The following C1orf141 variants were observed in gnomAD, a reference collection of about 807,000 sequenced individuals.
C1orf141 encodes the protein uncharacterized protein C1orf141.
Under a neutral mutation model 23.2 loss-of-function variants are expected in C1orf141, and 19 were observed. The observed-to-expected ratio is 0.82, with a 90% CI of 0.57 to 1.20. The LOEUF is 1.20. Ranked by LOEUF, C1orf141 falls within the 50% of genes most tolerant of loss-of-function variation. The pLI is 0.00. For synonymous variants in C1orf141, 153 were observed against 154.6 expected (o/e 0.99, Z 0.08); for missense variants, 469 against 455.1 (o/e 1.03, Z -0.28).
At chr1:67,125,524 C>T (rs563660655) in intron 4 of C1orf141, among the ~76,000 whole-genome samples, 2 of 152,152 alleles carry the variant, frequency 1.3e-5, no homozygotes, top group South Asian at 4.1e-4. Context: ...ATGGGAAAAC[C>T]CCATCTCTAT....
intron 5 of C1orf141, among the ~76,000 whole-genome samples, chr1:67,100,831 AT>A (rs1235550421): frequency 6.6e-6 from 1 of 152,180 alleles, no homozygotes; most frequent in African/African-American, 2.4e-5. Flanking sequence ...TCGTTACCTT[AT>A]ATTATGAGTT....
chr1:67,106,035 T>C (rs1042687953), intron 5 of C1orf141, among the ~76,000 whole-genome samples: 3 of 152,200 alleles, frequency 2.0e-5, no homozygotes, highest in Admixed American at 1.3e-4. Context: ...AAACCATGCA[T>C]GTTTAGAAAC....
intron 5 of C1orf141, among the ~76,000 whole-genome samples, chr1:67,097,213 CA>C (rs1645700861): frequency 6.6e-6 from 1 of 151,838 alleles, no homozygotes; most frequent in African/African-American, 2.4e-5. Context: ...AAAACAAAAA[CA>C]AACAAAAAAA....
At chr1:67,103,417 A>G (rs1444076315) in intron 5 of C1orf141, 1 of 1,285,104 alleles carries the variant, frequency 7.8e-7, no homozygotes, top group South Asian at 2.5e-5. Context: ...TTATCTTAGA[A>G]ACTATTTCTT....
At chr1:67,131,816 G>A (rs1646521141) in intron 1 of C1orf141, among the ~76,000 whole-genome samples, 1 of 138,890 alleles carries the variant, frequency 7.2e-6, no homozygotes, top group African/African-American at 2.7e-5. Context: ...TTGAGATGGA[G>A]TCTCGCAGTC....
At chr1:67,100,761 C>T (rs1266438047) in intron 5 of C1orf141, among the ~76,000 whole-genome samples, 6 of 151,908 alleles carry the variant, frequency 3.9e-5, no homozygotes, top group African/African-American at 1.5e-4. Flanking sequence ...TTGATGTTCT[C>T]CCTGTTTACT....
intron 1 of C1orf141, among the ~76,000 whole-genome samples, chr1:67,131,907 C>A (rs1423732117): frequency 6.6e-6 from 1 of 151,202 alleles, no homozygotes; most frequent in African/African-American, 2.4e-5. Context: ...GCCTCAGCCT[C>A]CTGAGTAGCT....
At chr1:67,100,043 C>A (rs748069204) in intron 5 of C1orf141, among the ~76,000 whole-genome samples, 6 of 151,936 alleles carry the variant, frequency 3.9e-5, no homozygotes, top group Admixed American at 6.6e-5. Flanking sequence ...GTATAATTTA[C>A]GTACAATAAA....
chr1:67,122,772 A>G (rs1646324672), intron 4 of C1orf141: 1 of 152,132 alleles, frequency 6.6e-6, no homozygotes, highest in Non-Finnish European at 1.5e-5. Context: ...TTCCATATCC[A>G]TGGCTATAGT....
chr1:67,092,165 T>C lies in C1orf141; in HGVS notation c.*840A>G, dbSNP rs1458009672. Reference sequence around the variant, plus strand: ...CTATGGGATAAAATTTTAAGTAAGCTTTTGTTAGTTAATTTTGGAATTTAT... The same window carrying C: ...CTATGGGATAAAATTTTAAGTAAGCCTTTGTTAGTTAATTTTGGAATTTAT... On this transcript the variant is annotated 3_prime_UTR_variant, in exon 8 of 8. Coordinates refer to ENST00000684719, the MANE Select transcript of C1orf141 (RefSeq NM_001276351.2). 1 of 152,344 alleles carries C rather than the reference T, an allele frequency of 6.6e-6. No homozygotes were observed. The highest frequency in any genetic ancestry group is 1.5e-5 in the Non-Finnish European group (1 of 68,030). The allele number at this position is 152,344 out of a possible 1,614,324, so 9.4% of individuals were successfully genotyped here.
chr1:67,141,008 G>T (rs1646631966), intron 1 of C1orf141, among the ~76,000 whole-genome samples: 1 of 151,892 alleles, frequency 6.6e-6, no homozygotes, highest in South Asian at 2.1e-4. Flanking sequence ...AGATTTTCTT[G>T]TCAAAATTTT....
At position 67,127,182 on chromosome 1, in the gene C1orf141, A is replaced by G. The variant is rs779960232; in HGVS notation, c.59T>C (p.Leu20Ser). The G allele has an allele frequency of 3.7e-6, 6 of 1,608,538 alleles. No homozygotes were observed. Among genetic ancestry groups the G allele is most frequent in the Non-Finnish European group, 5.1e-6 (6 of 1,177,886 alleles). The part of the protein sequence containing the change: ...DVLDKQAEII[L>S]ARRTKINRLQ... ...GTCACAAACCTTTGTTCTTCTGGCCAAGATTATCTCTGCTTGCTTATCAAG... is the reference window on the plus strand; with the variant it reads ...GTCACAAACCTTTGTTCTTCTGGCCGAGATTATCTCTGCTTGCTTATCAAG... The change falls in exon 3 of 8, where the codon TTG becomes TCG. Residue 20 changes from leucine to serine, a missense_variant. Leu to Ser is a moderately radical substitution (Grantham distance 145, BLOSUM62 -2). Coordinates refer to ENST00000684719, the MANE Select transcript of C1orf141 (RefSeq NM_001276351.2).
intron 1 of C1orf141, among the ~76,000 whole-genome samples, chr1:67,140,238 G>A (rs1290096872): frequency 1.3e-5 from 2 of 152,048 alleles, no homozygotes; most frequent in African/African-American, 4.8e-5. Context: ...AATATTTAAA[G>A]TAAAAAATTG....
intron 6 of C1orf141, 129 bp downstream of exon 6, chr1:67,096,123 C>A: frequency 1.7e-6 from 1 of 585,380 alleles, no homozygotes; most frequent in South Asian, 2.1e-5. Flanking sequence ...AGTCTTGGAC[C>A]ATTCATTGGA....
intron 4 of C1orf141, among the ~76,000 whole-genome samples, chr1:67,124,486 A>T (rs1320515949): frequency 2.6e-5 from 4 of 151,940 alleles, no homozygotes; most frequent in South Asian, 2.1e-4. Context: ...ATAATTTTTT[A>T]AAAATATATT....
chr1:67,137,124 C>T (rs1287829301), upstream of C1orf141, among the ~76,000 whole-genome samples: 2 of 152,156 alleles, frequency 1.3e-5, no homozygotes, highest in Non-Finnish European at 2.9e-5. Context: ...AAAGCACATT[C>T]CCCAAAACTG....
intron 2 of C1orf141, among the ~76,000 whole-genome samples, chr1:67,127,925 G>A (rs763590505): frequency 1.8e-4 from 28 of 152,040 alleles, no homozygotes; most frequent in Non-Finnish European, 3.2e-4. Flanking sequence ...ATGAGCCACC[G>A]TGCCTGGCCA....
At chr1:67,137,290 CAAGG>C (rs1215896718), upstream of C1orf141, among the ~76,000 whole-genome samples, 1 of 152,084 alleles carries the variant, frequency 6.6e-6, no homozygotes, top group African/African-American at 2.4e-5. Context: ...TACAACTAGC[CAAGG>C]AAAGAAGTTC....
upstream of C1orf141, among the ~76,000 whole-genome samples, chr1:67,138,506 T>C (rs917477819): frequency 6.6e-5 from 10 of 152,214 alleles, no homozygotes; most frequent in Admixed American, 6.5e-4. Context: ...AATATCATTG[T>C]ACCCTGGGAT....
Sources: allele counts gnomAD v4.1 joint callset (sites outside exome capture counted in the v4.1 genomes callset), GRCh38; gene constraint gnomAD v4.1.1; transcripts MANE v1.5; gene names NCBI Gene and HGNC (gene_info 2026-07-23, HGNC 2026-07-21).